FBN3: variants seen among roughly 807,000 people sequenced by gnomAD.
FBN3 encodes the protein fibrillin-3.
Under a neutral mutation model 330.1 loss-of-function variants are expected in FBN3, and 234 were observed. The ratio of observed to expected loss-of-function variants is 0.71; its 90% CI spans 0.64 to 0.79. The LOEUF (loss-of-function observed/expected upper bound fraction) is 0.79. FBN3 is among the 30% of genes least tolerant of loss of function. FBN3 has a pLI of 0.00. For missense variants in FBN3, 3,606 were observed against 3,886.9 expected, an observed-to-expected ratio of 0.93 and a Z score of 1.92; for synonymous variants, 1,458 against 1,517.3, an observed-to-expected ratio of 0.96 and a Z score of 0.91.
Position 8,096,846 on chromosome 19 carries a change from C to G in FBN3, c.5413+35G>C. ...CTAAGTCCCCATGGGTGACAGAGCC[C>G]AGCTCCCTCACCTCCTCCCAGGGAC... On this transcript the variant is annotated intron_variant, in intron 43 of 63. Coordinates refer to ENST00000600128, the MANE Select transcript of FBN3 (RefSeq NM_032447.5). This position sits in a 1 kb window ranked among gnomAD's most constrained non-coding sequence, Gnocchi z 4.6. 6.2e-7 allele frequency: 1 copy of G among 1,606,992 alleles called. No homozygotes were observed. Among genetic ancestry groups the G allele is most frequent in the Non-Finnish European group, 8.5e-7 (1 of 1,178,220 alleles).
chr19:8,145,549 C>T (rs968967682), intron 5 of FBN3, among the ~76,000 whole-genome samples: 1 of 151,438 alleles, frequency 6.6e-6, no homozygotes, highest in Admixed American at 6.6e-5. Context: ...GGCAAGGTGG[C>T]GGGCACCTGT....
chr19:8,085,777 C>A (rs774386916), intron 55 of FBN3, among the ~76,000 whole-genome samples: 1 of 151,818 alleles, frequency 6.6e-6, no homozygotes, highest in Admixed American at 6.6e-5. Flanking sequence ...AGGTTGGTTC[C>A]GGGGTGTGGC....
At chr19:8,072,719 T>TGC in intron 62 of FBN3, among the ~76,000 whole-genome samples, 1 of 88,560 alleles carries the variant, frequency 1.1e-5, no homozygotes, top group Admixed American at 1.1e-4. Context: ...CATGCGCGCG[T>TGC]GCACACACAC....
intron 41 of FBN3, among the ~76,000 whole-genome samples, chr19:8,097,682 A>G (rs780955640): frequency 6.6e-6 from 1 of 152,226 alleles, no homozygotes; most frequent in Non-Finnish European, 1.5e-5. Context: ...CCCTGCTGGA[A>G]AGAAATGGCC....
rs1293013182 is a variant in FBN3 at position 8,136,224 on chromosome 19, G to A, written c.1431C>T (p.Gly477=). 6 of 1,612,372 alleles carry A rather than the reference G, an allele frequency of 3.7e-6. No individual in the cohort carries two copies. Among genetic ancestry groups the A allele is most frequent in the Non-Finnish European group, 5.1e-6 (6 of 1,179,676 alleles). Residue 477 remains glycine (G), a synonymous_variant, in exon 12 of 64, where the codon GGC becomes GGT. Transcript: ENST00000600128. ...CCTGCCTGGTGGGCGTGGCCTGGAA[G>A]CCCGGGTAGCACCGGCAGTGGTAGG... ...PGTYHCRCYP[G]FQATPTRQAC...
chr19:8,109,629 AC>A lies in FBN3; in HGVS notation c.4456+1del, dbSNP rs2144813865. The A allele has an allele frequency of 6.3e-7, 1 of 1,592,758 alleles. No homozygotes were observed. Among genetic ancestry groups the A allele is most frequent in the Non-Finnish European group, 8.6e-7 (1 of 1,168,974 alleles). ...CTGATCTGGAGTTGAGCATGGACTC[AC>A]CCACGCAGCCCACTCCGCTGGGGTT... On this transcript the variant is annotated splice_donor_variant, in intron 35 of 63. Transcript: ENST00000600128. LOFTEE classifies it high-confidence loss of function. This position sits in a 1 kb window ranked among gnomAD's most constrained non-coding sequence, Gnocchi z 5.2.
At position 8,129,512 on chromosome 19, in the gene FBN3, T is replaced by A; in HGVS notation, c.2045-147A>T. ...GCCCAGACCCGGCCTCATTCTGCTC[T>A]AAACCGAGGTTTCTCAGCCTGGACA... On this transcript the variant is annotated intron_variant, in intron 16 of 63. Coordinates refer to ENST00000600128, the MANE Select transcript of FBN3 (RefSeq NM_032447.5). This position sits in a 1 kb window ranked among gnomAD's most constrained non-coding sequence, Gnocchi z 4.5. The A allele has an allele frequency of 9.4e-7, 1 of 1,062,540 alleles. No homozygotes were observed. The highest frequency in any genetic ancestry group is 1.3e-6 in the Non-Finnish European group (1 of 745,914). The allele number at this position is 1,062,540 out of a possible 1,614,324, so 65.8% of individuals were successfully genotyped here.
chr19:8,126,266 G>A (rs2082979369), intron 21 of FBN3, 31 bp downstream of exon 21: 8 of 1,577,984 alleles, frequency 5.1e-6, no homozygotes, highest in Non-Finnish European at 6.9e-6. Context: ...CTCTGGAGTA[G>A]GGGGTGAGCT....
chr19:8,082,364 TTTTTTC>T lies in FBN3; in HGVS notation c.7213+877_7213+882del, dbSNP rs1174345085. Among the ~76,000 whole-genome samples, 801 of 123,744 alleles carry T rather than the reference TTTTTTC, an allele frequency of 6.5e-3. 5 individuals are homozygous for T. Among genetic ancestry groups the T allele is most frequent in the African/African-American group, 0.026 (753 of 28,528 alleles). 81.2% of individuals were successfully genotyped at this position (123,744 alleles called of 152,430 possible). On this transcript the variant is annotated intron_variant, in intron 57 of 63. Coordinates refer to ENST00000600128, the MANE Select transcript of FBN3 (RefSeq NM_032447.5). ...CTTTCTTTTTGTCTCTCTCTCTTTC[TTTTTTC>T]TTTCTTTCTCTTCTTTCTTCTCTTT...
chr19:8,135,935 T>TTGGGGGGGGGGGGGC, intron 13 of FBN3, 26 bp downstream of exon 13: 104 of 1,344,140 alleles, frequency 7.7e-5, no homozygotes, highest in Non-Finnish European at 9.5e-5. Flanking sequence ...CGGAAGCCCC[T>TTGGGGGGGGGGGGGC]GCCCACCCGC....
At chr19:8,090,005 GC>G in intron 49 of FBN3, 46 bp from the exon 50 acceptor site, 2 of 1,598,828 alleles carry the variant, frequency 1.3e-6, no homozygotes, top group Non-Finnish European at 1.7e-6. Context: ...CCTAGGTGCA[GC>G]CCCCAGGTGT....
intron 6 of FBN3, among the ~76,000 whole-genome samples, chr19:8,142,837 G>A (rs7256533): frequency 0.37 from 46,379 of 124,492 alleles, 9,115 homozygotes; most frequent in Non-Finnish European, 0.45. Context: ...AAGCCAAAAC[G>A]TAATTCCTGG....
chr19:8,105,900 T>C (rs2082426037), intron 38 of FBN3, among the ~76,000 whole-genome samples: 1 of 152,174 alleles, frequency 6.6e-6, no homozygotes, highest in South Asian at 2.1e-4. Flanking sequence ...AGGGTCTATC[T>C]ACCATCCCCC....
Position 8,106,191 on chromosome 19 carries a change from C to T in FBN3, c.4730G>A (p.Gly1577Asp), listed in dbSNP as rs746702306. Residue 1577 changes from glycine (G) to aspartate (D), a missense_variant, in exon 38 of 64, where the codon GGT becomes GAT. Transcript: ENST00000600128. The part of the protein sequence containing the change: ...CQELPGLCQG[G>D]DCVNTFGSFQ... ...ACTGCCAAACGTGTTGACGCAGTCA[C>T]CCCCCTGACACAGCCCTGGCAGCTC... The T allele has an allele frequency of 5.6e-6, 9 of 1,613,658 alleles. No homozygotes were observed. Among genetic ancestry groups the T allele is most frequent in the Non-Finnish European group, 7.6e-6 (9 of 1,179,764 alleles).
chr19:8,089,635 T>C lies in FBN3; in HGVS notation c.6286A>G (p.Thr2096Ala), dbSNP rs45451694. Residue 2096 changes from threonine to alanine, a missense_variant, in exon 51 of 64, where the codon ACT (threonine) becomes GCT (alanine). Thr to Ala is a moderately conservative substitution (Grantham distance 58, BLOSUM62 0). Coordinates refer to ENST00000600128, the MANE Select transcript of FBN3 (RefSeq NM_032447.5). ...TCGGTGTTGACACAGACGCCGTTAG[T>C]GCAGACGCCAGGGTTCTCTGCACAC... ...NECAENPGVC[T>A]NGVCVNTDGS... 1.2e-6 allele frequency: 2 copies of C among 1,614,078 alleles called. No homozygotes were observed. The highest frequency in any genetic ancestry group is 1.7e-6 in the Non-Finnish European group (2 of 1,180,026).
At chr19:8,138,081 C>A in intron 10 of FBN3, 60 bp downstream of exon 10, 6 of 1,495,394 alleles carry the variant, frequency 4.0e-6, no homozygotes, top group Non-Finnish European at 5.4e-6. Flanking sequence ...GGAGCTCTCT[C>A]CCCAGATCCA....
chr19:8,096,503 C>T lies in FBN3; in HGVS notation c.5480G>A (p.Ser1827Asn). The change falls in exon 44 of 64, where the codon AGC becomes AAC. Residue 1827 changes from serine (S) to asparagine (N), a missense_variant. By Grantham distance (46) the Ser-to-Asn change is conservative. Transcript: ENST00000600128. The surrounding 1 kb of genome is among the most constrained non-coding windows in gnomAD (Gnocchi z 4.6). ...TCCACGGTGACACAGACACATGTAG[C>T]TGCCTTCTGTGTCCATGCAGTCACC... Reference protein sequence around the residue: ...SHGDCMDTEGSYMCLCHRGFQ... With the variant: ...SHGDCMDTEGNYMCLCHRGFQ... 3.1e-6 allele frequency: 5 copies of T among 1,614,008 alleles called. No homozygotes were observed. The highest frequency in any genetic ancestry group is 3.4e-6 in the Non-Finnish European group (4 of 1,179,976).
chr19:8,143,960 C>G (rs558616063), intron 6 of FBN3, among the ~76,000 whole-genome samples: 14 of 152,060 alleles, frequency 9.2e-5, no homozygotes, highest in African/African-American at 3.1e-4. Context: ...ATATGCACCA[C>G]CATGCCAGGC....
At chr19:8,125,790 CAAA>C (rs368396188) in intron 22 of FBN3, 99 bp downstream of exon 22, 4,315 of 1,070,974 alleles carry the variant, frequency 4.0e-3, no homozygotes, top group South Asian at 9.7e-3. Flanking sequence ...GACTCCATCT[CAAA>C]AAAAAAAAAA....
Sources: allele counts gnomAD v4.1 joint callset (sites outside exome capture counted in the v4.1 genomes callset), GRCh38; gene constraint gnomAD v4.1.1; non-coding constraint Gnocchi (gnomAD v3.1); transcripts MANE v1.5; gene names NCBI Gene and HGNC (gene_info 2026-07-23, HGNC 2026-07-21).